The following CTNNBL1 variants were observed in gnomAD, a reference collection of about 807,000 sequenced individuals.
CTNNBL1 encodes the protein beta-catenin-like protein 1.
In CTNNBL1, 31 loss-of-function variants were observed where a neutral mutation model predicts 72.7. The ratio of observed to expected loss-of-function variants is 0.43; its 90% CI spans 0.32 to 0.58. The LOEUF is 0.58. Among genes scored for constraint, CTNNBL1 ranks in the 20% least tolerant of loss-of-function variants. CTNNBL1 has a pLI of 0.08. For missense variants in CTNNBL1, 534 were observed against 725.1 expected, an observed-to-expected ratio of 0.74 and a Z score of 3.03; for synonymous variants, 240 against 267.3, an observed-to-expected ratio of 0.90 and a Z score of 1.00.
In CTNNBL1 at chr20:37,765,220, G is replaced by A. The variant is rs2073455668; in HGVS notation, c.588G>A (p.Leu196=). ...AGGTGGATGGGCAGGTGGTAGCACT[G>A]CTGGTACAGAATCTGGAGCGCCTGG... The part of the protein sequence containing the change: ...DALVDGQVVA[L]LVQNLERLDE... Residue 196 remains leucine (L), a synonymous_variant, in exon 6 of 16, where the codon CTG becomes CTA. Transcript: ENST00000361383. 1 of 1,551,384 alleles carries A rather than the reference G, an allele frequency of 6.4e-7. No homozygotes were observed. Among genetic ancestry groups the A allele is most frequent in the Non-Finnish European group, 8.7e-7 (1 of 1,146,844 alleles).
intron 5 of CTNNBL1, among the ~76,000 whole-genome samples, chr20:37,758,954 G>A (rs940610586): frequency 2.6e-5 from 4 of 151,782 alleles, no homozygotes; most frequent in Non-Finnish European, 4.4e-5. Flanking sequence ...TAATGTTCTC[G>A]ACACTAGAAA....
intron 11 of CTNNBL1, among the ~76,000 whole-genome samples, chr20:37,809,090 T>C (rs1008491038): frequency 8.6e-5 from 13 of 152,040 alleles, no homozygotes; most frequent in African/African-American, 3.1e-4. Flanking sequence ...CTCCCAATTC[T>C]CATGTCCTCT....
At position 37,766,149 on chromosome 20, in the gene CTNNBL1, G is replaced by A. The variant is rs374007823; in HGVS notation, c.658+859G>A. The stretch of plus-strand genomic sequence containing the variant: ...TAAAGAAGGGGAAACATGGGCACCT[G>A]GGGGGAAGAGGAGGAACACAACACT... On this transcript the variant is annotated intron_variant, in intron 6 of 15. Coordinates refer to ENST00000361383, the MANE Select transcript of CTNNBL1 (RefSeq NM_030877.5). 1.4e-4 allele frequency among the ~76,000 whole-genome samples: 21 copies of A among 152,260 alleles called. No individual in the cohort carries two copies. In the East Asian group the frequency reaches 2.7e-3, roughly 20 times the overall value.
intron 11 of CTNNBL1, among the ~76,000 whole-genome samples, chr20:37,808,041 G>A (rs995603758): frequency 6.6e-6 from 1 of 152,130 alleles, no homozygotes; most frequent in Non-Finnish European, 1.5e-5. Context: ...AGTTAATTGC[G>A]CTGTTTTAAC....
intron 13 of CTNNBL1, among the ~76,000 whole-genome samples, chr20:37,857,031 C>A (rs1226064436): frequency 6.6e-6 from 1 of 152,178 alleles, no homozygotes; most frequent in Non-Finnish European, 1.5e-5. Context: ...TTTCTAGCAA[C>A]TGGTAATTAT....
intron 1 of CTNNBL1, among the ~76,000 whole-genome samples, chr20:37,718,399 G>A (rs1301218081): frequency 7.0e-6 from 1 of 142,808 alleles, no homozygotes; most frequent in Non-Finnish European, 1.5e-5. Flanking sequence ...CGGGGCGGCT[G>A]GCCGGGCGGG....
intron 13 of CTNNBL1, among the ~76,000 whole-genome samples, chr20:37,850,822 G>A (rs1449591726): frequency 1.3e-5 from 2 of 152,176 alleles, no homozygotes; most frequent in Non-Finnish European, 2.9e-5. Flanking sequence ...TTCAGGTTTC[G>A]GCTCTGAGTC....
intron 10 of CTNNBL1, among the ~76,000 whole-genome samples, chr20:37,786,724 A>C (rs1044813413): frequency 2.6e-5 from 4 of 152,108 alleles, no homozygotes; most frequent in African/African-American, 9.7e-5. Context: ...TTTGTGAGTT[A>C]AACGCTTAAT....
rs2072290716 is a variant in CTNNBL1, at chr20:37,840,124, T to C, written c.1236T>C (p.Ala412=). Reference sequence around the variant, plus strand: ...CAGAGCATGTCTGTTCGATCCTGGCTTCCCTCCTGCGGAACCTGAGAGGGC... The same window carrying C: ...CAGAGCATGTCTGTTCGATCCTGGCCTCCCTCCTGCGGAACCTGAGAGGGC... The part of the protein sequence containing the change: ...EHEEHVCSIL[A]SLLRNLRGQQ... Residue 412 remains alanine (A), a synonymous_variant, in exon 12 of 16, where the codon GCT becomes GCC. Coordinates refer to ENST00000361383, the MANE Select transcript of CTNNBL1 (RefSeq NM_030877.5). 6.2e-7 allele frequency: 1 copy of C among 1,613,742 alleles called. No homozygotes were observed. Among genetic ancestry groups the C allele is most frequent in the South Asian group, 1.1e-5 (1 of 91,058 alleles).
At chr20:37,779,849 G>T (rs1474824811) in intron 10 of CTNNBL1, among the ~76,000 whole-genome samples, 1 of 152,088 alleles carries the variant, frequency 6.6e-6, no homozygotes, top group African/African-American at 2.4e-5. Context: ...TTTATTTATA[G>T]TACTTTCCTT....
chr20:37,839,158 G>C (rs575365484), intron 11 of CTNNBL1, among the ~76,000 whole-genome samples: 3 of 152,306 alleles, frequency 2.0e-5, no homozygotes, highest in African/African-American at 7.2e-5. Context: ...ATTAAGTGAA[G>C]AAAAACACAC....
intron 5 of CTNNBL1, among the ~76,000 whole-genome samples, chr20:37,761,933 G>A (rs1360489725): frequency 3.3e-5 from 5 of 152,220 alleles, no homozygotes; most frequent in Non-Finnish European, 7.3e-5. Flanking sequence ...TCTTGTTAAT[G>A]TGCAGCTGGG....
chr20:37,822,595 G>A (rs896781792), intron 11 of CTNNBL1, among the ~76,000 whole-genome samples: 1 of 152,208 alleles, frequency 6.6e-6, no homozygotes, highest in East Asian at 1.9e-4. Flanking sequence ...ATTCTGCTAA[G>A]CAGCGCCCTG....
intron 13 of CTNNBL1, among the ~76,000 whole-genome samples, chr20:37,853,744 T>G (rs1197717145): frequency 6.6e-6 from 1 of 152,232 alleles, no homozygotes; most frequent in Non-Finnish European, 1.5e-5. Flanking sequence ...GCCCACACTT[T>G]CTCACTTTCT....
chr20:37,816,544 G>C (rs1302525990), intron 11 of CTNNBL1, among the ~76,000 whole-genome samples: 1 of 152,078 alleles, frequency 6.6e-6, no homozygotes, highest in African/African-American at 2.4e-5. Flanking sequence ...GTGAGAACTG[G>C]ATAAGATAAT....
chr20:37,716,431 G>GT (rs760939681), intron 1 of CTNNBL1, among the ~76,000 whole-genome samples: 11 of 151,832 alleles, frequency 7.2e-5, no homozygotes, highest in Non-Finnish European at 1.3e-4. Context: ...AGAGTTCTCT[G>GT]TTTTTTTTCC....
intron 15 of CTNNBL1, among the ~76,000 whole-genome samples, chr20:37,862,744 C>A (rs1412139528): frequency 6.6e-6 from 1 of 151,298 alleles, no homozygotes; most frequent in Non-Finnish European, 1.5e-5. Flanking sequence ...ACCCTCGCAG[C>A]CATCCTTCCA....
chr20:37,749,483 C>A (rs1184229781), intron 4 of CTNNBL1, among the ~76,000 whole-genome samples: 1 of 152,054 alleles, frequency 6.6e-6, no homozygotes, highest in Non-Finnish European at 1.5e-5. Context: ...AAAAACACAT[C>A]CCCCTATAAT....
chr20:37,843,437 G>A (rs554191989), intron 13 of CTNNBL1, among the ~76,000 whole-genome samples: 4 of 152,146 alleles, frequency 2.6e-5, no homozygotes, highest in Admixed American at 6.6e-5. Flanking sequence ...ATTTTCCCTC[G>A]GGGCATGCCT....
Sources: gnomAD v4.1 joint callset for allele counts (sites outside exome capture counted in the v4.1 genomes callset) on GRCh38, gnomAD v4.1.1 for gene constraint, MANE v1.5 for transcripts, NCBI Gene and HGNC (gene_info 2026-07-23, HGNC 2026-07-21) for gene names.